TSPAN9: variants seen among roughly 807,000 people sequenced by gnomAD.
The protein encoded by TSPAN9 is tetraspanin 9.
A neutral mutation model predicts 31.0 loss-of-function variants in TSPAN9; 16 were observed. The ratio of observed to expected loss-of-function variants is 0.52; its 90% CI spans 0.35 to 0.78. The LOEUF (loss-of-function observed/expected upper bound fraction) is 0.78, where lower values mean the gene tolerates loss of function less well. Among genes scored for constraint, TSPAN9 ranks in the 30% least tolerant of loss-of-function variants. The probability of loss-of-function intolerance (pLI) is 0.01; values close to 1 mark genes in which losing one functional copy is unlikely to be tolerated. For missense variants in TSPAN9, 272 were observed against 312.5 expected (o/e 0.87, Z 0.98); for synonymous variants, 145 against 121.6 (o/e 1.19, Z -1.27).
chr12:3,268,195 C>T (rs1862575646), intron 3 of TSPAN9, among the ~76,000 whole-genome samples: 1 of 148,038 alleles, frequency 6.8e-6, no homozygotes, highest in South Asian at 2.2e-4. Context: ...TTCCTGCAGC[C>T]TGCCCTCTGT....
In TSPAN9 at chr12:3,135,009, G is replaced by A. The variant is rs78347757; in HGVS notation, c.-18+51290G>A. ...GGGGAGAGACCACTCGGAGGTGCCT[G>A]CAGTCAGGGCTGGCATCTTGTTTGC... On this transcript the variant is annotated intron_variant, in intron 2 of 8. Transcript: ENST00000011898. 8.5e-3 allele frequency among the ~76,000 whole-genome samples: 1,290 copies of A among 152,248 alleles called. 13 individuals carry two copies. The highest frequency in any genetic ancestry group is 0.05 in the East Asian group (260 of 5,170).
chr12:3,146,245 G>T (rs138539853), intron 2 of TSPAN9, among the ~76,000 whole-genome samples: 1 of 152,224 alleles, frequency 6.6e-6, no homozygotes, highest in Non-Finnish European at 1.5e-5. Context: ...GCAGGAGGGC[G>T]CTGGGATGCG....
intron 2 of TSPAN9, among the ~76,000 whole-genome samples, chr12:3,111,406 A>G (rs1243614560): frequency 6.6e-6 from 1 of 152,170 alleles, no homozygotes; most frequent in African/African-American, 2.4e-5. Context: ...TCACTGTGTG[A>G]CCTTGGAAAA....
At chr12:3,145,869 G>C (rs941809757) in intron 2 of TSPAN9, among the ~76,000 whole-genome samples, 1 of 152,234 alleles carries the variant, frequency 6.6e-6, no homozygotes, top group Non-Finnish European at 1.5e-5. Flanking sequence ...GCAGTGTTCC[G>C]AAATCACCTG....
intron 2 of TSPAN9, among the ~76,000 whole-genome samples, chr12:3,124,119 A>G (rs1214609692): frequency 6.6e-6 from 1 of 152,226 alleles, no homozygotes; most frequent in Non-Finnish European, 1.5e-5. Context: ...TTCAAAACAG[A>G]AGTGAGAAAT....
chr12:3,160,139 T>G (rs749706562), intron 2 of TSPAN9, among the ~76,000 whole-genome samples: 56 of 152,328 alleles, frequency 3.7e-4, no homozygotes, highest in Non-Finnish European at 6.8e-4. Flanking sequence ...GTGTTCTGTC[T>G]GTGGTGTTGC....
chr12:3,230,378 C>T (rs1442214692), intron 3 of TSPAN9, among the ~76,000 whole-genome samples: 2 of 152,044 alleles, frequency 1.3e-5, no homozygotes, highest in African/African-American at 4.8e-5. Context: ...CAGGCTTCCC[C>T]CTCCCTTGTG....
intron 2 of TSPAN9, among the ~76,000 whole-genome samples, chr12:3,110,970 A>G (rs992021422): frequency 1.3e-5 from 2 of 152,218 alleles, no homozygotes; most frequent in African/African-American, 4.8e-5. Flanking sequence ...ACCCAGGCAC[A>G]GTCCTACAGC....
rs1862838585 is a variant in TSPAN9, at chr12:3,278,597, G to A, written c.240G>A (p.Lys80=). 1 of 1,614,074 alleles carries A rather than the reference G, an allele frequency of 6.2e-7. No individual in the cohort carries two copies. The highest frequency in any genetic ancestry group is 1.7e-5 in the Admixed American group (1 of 60,016). The change falls in exon 4 of 9, where the codon AAG becomes AAA. Residue 80 remains lysine (K), a synonymous_variant. Coordinates refer to ENST00000011898, the MANE Select transcript of TSPAN9 (RefSeq NM_006675.5). ...LGCLGAIKEN[K]CLLLSFFIVL... ...GCCTGGGGGCCATCAAGGAAAACAAGTGCCTCCTCCTCAGCGTAAGTTCTG... is the reference window on the plus strand; with the variant it reads ...GCCTGGGGGCCATCAAGGAAAACAAATGCCTCCTCCTCAGCGTAAGTTCTG...
intron 2 of TSPAN9, among the ~76,000 whole-genome samples, chr12:3,152,505 G>T (rs1184140604): frequency 6.6e-6 from 1 of 152,258 alleles, no homozygotes. Context: ...GTATTGAAAA[G>T]AATGAGGGAA....
intron 2 of TSPAN9, among the ~76,000 whole-genome samples, chr12:3,175,646 G>T (rs2098355130): frequency 6.6e-6 from 1 of 152,204 alleles, no homozygotes; most frequent in South Asian, 2.1e-4. Flanking sequence ...CAGGGTCGCG[G>T]GAGGGAGTGC....
At chr12:3,153,048 C>G (rs577142495) in intron 2 of TSPAN9, among the ~76,000 whole-genome samples, 1 of 152,174 alleles carries the variant, frequency 6.6e-6, no homozygotes. Flanking sequence ...GGTGCGTGCA[C>G]GCCTGCGCGT....
intron 2 of TSPAN9, among the ~76,000 whole-genome samples, chr12:3,159,624 T>C (rs1200706934): frequency 1.3e-5 from 2 of 152,150 alleles, no homozygotes; most frequent in African/African-American, 4.8e-5. Flanking sequence ...CCCAGCACTT[T>C]GGGATGCCGA....
chr12:3,215,331 G>C (rs2098380835), intron 3 of TSPAN9: 1 of 152,198 alleles, frequency 6.6e-6, no homozygotes, highest in Non-Finnish European at 1.5e-5. Context: ...TCCCTGGGAG[G>C]ATCTTTGACT....
chr12:3,140,017 C>T (rs1393304654), intron 2 of TSPAN9, among the ~76,000 whole-genome samples: 1 of 152,344 alleles, frequency 6.6e-6, no homozygotes, highest in Admixed American at 6.5e-5. Context: ...TTGCTTTGCA[C>T]TATCGCCTTA....
chr12:3,140,476 G>T (rs1325841527), intron 2 of TSPAN9, among the ~76,000 whole-genome samples: 1 of 152,182 alleles, frequency 6.6e-6, no homozygotes, highest in African/African-American at 2.4e-5. Flanking sequence ...CACTGGCCAC[G>T]GATCAGCTGA....
At chr12:3,226,067 G>A (rs970122373) in intron 3 of TSPAN9, among the ~76,000 whole-genome samples, 2 of 152,128 alleles carry the variant, frequency 1.3e-5, no homozygotes, top group Admixed American at 6.5e-5. Flanking sequence ...CTCTCCTGCC[G>A]AAGTCTGTAG....
At chr12:3,155,968 G>A (rs535770365) in intron 2 of TSPAN9, among the ~76,000 whole-genome samples, 4 of 152,326 alleles carry the variant, frequency 2.6e-5, no homozygotes, top group African/African-American at 9.6e-5. Flanking sequence ...CCGGATGACA[G>A]CCATGACGTA....
chr12:3,101,441 A>G (rs1487363718), intron 2 of TSPAN9, among the ~76,000 whole-genome samples: 1 of 152,094 alleles, frequency 6.6e-6, no homozygotes, highest in East Asian at 1.9e-4. Context: ...TGCATGAGAT[A>G]TCTCTTAGAT....
Sources: allele counts gnomAD v4.1 joint callset (sites outside exome capture counted in the v4.1 genomes callset), GRCh38; gene constraint gnomAD v4.1.1; transcripts MANE v1.5; gene names NCBI Gene and HGNC (gene_info 2026-07-23, HGNC 2026-07-21).